NAV3: variants seen among roughly 807,000 people sequenced by gnomAD.
NAV3 encodes neuron navigator 3.
In NAV3, 87 loss-of-function variants were observed where a neutral mutation model predicts 244.7. The ratio of observed to expected loss-of-function variants is 0.36; its 90% CI spans 0.30 to 0.42. The LOEUF (loss-of-function observed/expected upper bound fraction) is 0.42, where lower values mean the gene tolerates loss of function less well. Ranked by LOEUF, NAV3 falls within the 20% of genes least tolerant of loss-of-function variation. NAV3 has a pLI of 1.00. For missense variants in NAV3, 2,663 were observed against 2,893.3 expected (o/e 0.92, Z 1.83); for synonymous variants, 1,126 against 1,042.2 (o/e 1.08, Z -1.55).
At chr12:77,768,241 GC>G (rs1268135173) in intron 2 of NAV3, among the ~76,000 whole-genome samples, 5 of 152,212 alleles carry the variant, frequency 3.3e-5, no homozygotes, top group African/African-American at 9.6e-5. Context: ...CTCACTCCAG[GC>G]CCTGGACTCC....
At chr12:77,675,926 C>A (rs1216032775) in intron 2 of NAV3, among the ~76,000 whole-genome samples, 2 of 152,062 alleles carry the variant, frequency 1.3e-5, no homozygotes, top group Non-Finnish European at 2.9e-5. Flanking sequence ...GTCAGTCTCC[C>A]CTCCGTGGTC....
chr12:78,200,134 G>T (rs1344492016), intron 37 of NAV3, among the ~76,000 whole-genome samples: 4 of 151,996 alleles, frequency 2.6e-5, no homozygotes, highest in Non-Finnish European at 5.9e-5. Context: ...CTCATGCCAG[G>T]TCCCAATTCT....
intron 1 of NAV3, among the ~76,000 whole-genome samples, chr12:77,936,797 C>A (rs1889369067): frequency 6.6e-6 from 1 of 152,106 alleles, no homozygotes; most frequent in Non-Finnish European, 1.5e-5. Flanking sequence ...TGTATTCTCT[C>A]TCATCACGGC....
chr12:77,986,492 GA>G lies in NAV3; in HGVS notation c.672-8310del, dbSNP rs1478157633. ...AGCTGAGATTTTTTGTAAGAAGCTT[GA>G]TAGAATCCAAAGAGCTAAAGTCGAT... On this transcript the variant is annotated intron_variant, in intron 5 of 39. Coordinates refer to ENST00000397909, the MANE Select transcript of NAV3 (RefSeq NM_001024383.2). Among the ~76,000 whole-genome samples the G allele has an allele frequency of 3.9e-5, 6 of 152,148 alleles. No homozygotes were observed. In the East Asian group the frequency reaches 1.2e-3, roughly 29 times the overall value.
chr12:78,037,650 G>A (rs189508742), intron 9 of NAV3, among the ~76,000 whole-genome samples: 1 of 152,092 alleles, frequency 6.6e-6, no homozygotes, highest in East Asian at 1.9e-4. Context: ...GCCTCACCTA[G>A]TGTCCAGTAC....
intron 2 of NAV3, among the ~76,000 whole-genome samples, chr12:77,714,370 A>G (rs1420478808): frequency 6.6e-6 from 1 of 152,090 alleles, no homozygotes; most frequent in Non-Finnish European, 1.5e-5. Context: ...TAGCTTGCTA[A>G]TTATGTGCGG....
chr12:78,140,840 C>A (rs753151434), intron 20 of NAV3, among the ~76,000 whole-genome samples: 10 of 150,432 alleles, frequency 6.6e-5, no homozygotes, highest in Non-Finnish European at 8.9e-5. Context: ...TTTAAATATA[C>A]CTTTTGAAAG....
chr12:78,198,995 A>C, intron 36 of NAV3: 2 of 474,900 alleles, frequency 4.2e-6, no homozygotes, highest in South Asian at 4.2e-5. Context: ...TGGTTAAAGT[A>C]GAGCATATTC....
chr12:78,013,104 A>G (rs1027929424), intron 8 of NAV3, among the ~76,000 whole-genome samples: 1 of 152,174 alleles, frequency 6.6e-6, no homozygotes, highest in East Asian at 1.9e-4. Flanking sequence ...GCTTTAAAAT[A>G]TTTAAAGAAT....
chr12:77,857,778 A>G (rs1171942244), intron 1 of NAV3, among the ~76,000 whole-genome samples: 1 of 152,042 alleles, frequency 6.6e-6, no homozygotes, highest in Non-Finnish European at 1.5e-5. Flanking sequence ...AACTAGGGAT[A>G]GTAAAAATAT....
At chr12:77,897,452 C>T (rs1172334127) in intron 1 of NAV3, among the ~76,000 whole-genome samples, 1 of 152,184 alleles carries the variant, frequency 6.6e-6, no homozygotes, top group African/African-American at 2.4e-5. Flanking sequence ...GCCCTTTCAC[C>T]TCATCTCTGC....
chr12:77,857,029 A>G (rs1243301904), intron 1 of NAV3, among the ~76,000 whole-genome samples: 1 of 152,150 alleles, frequency 6.6e-6, no homozygotes, highest in Admixed American at 6.5e-5. Context: ...CATCAAATGC[A>G]TTTATTTGGC....
intron 1 of NAV3, among the ~76,000 whole-genome samples, chr12:77,886,804 C>A (rs1386632238): frequency 6.6e-6 from 1 of 152,002 alleles, no homozygotes; most frequent in Non-Finnish European, 1.5e-5. Context: ...CTGAAATAAG[C>A]TATAATATTG....
chr12:77,919,653 C>T (rs1308537372), intron 1 of NAV3, among the ~76,000 whole-genome samples: 1 of 152,014 alleles, frequency 6.6e-6, no homozygotes, highest in African/African-American at 2.4e-5. Flanking sequence ...TGAAGGACAT[C>T]TTTATATCTT....
intron 12 of NAV3, among the ~76,000 whole-genome samples, chr12:78,073,189 C>A (rs1952867678): frequency 7.4e-6 from 1 of 134,504 alleles, no homozygotes; most frequent in African/African-American, 2.8e-5. Flanking sequence ...CTGGCCAGGG[C>A]AATTAGGCAG....
intron 2 of NAV3, among the ~76,000 whole-genome samples, chr12:77,810,961 C>A (rs1197259455): frequency 6.6e-6 from 1 of 152,120 alleles, no homozygotes; most frequent in South Asian, 2.1e-4. Context: ...GTAATCAGAT[C>A]CCCTGATGTG....
chr12:77,966,175 A>G, intron 3 of NAV3, 54 bp from the exon 4 acceptor site: 1 of 1,438,692 alleles, frequency 7.0e-7, no homozygotes, highest in South Asian at 1.2e-5. Flanking sequence ...TGGCACATGT[A>G]TTTGTTAAAA....
chr12:77,674,939 A>G lies in NAV3; in HGVS notation c.72+102673A>G, dbSNP rs141264514. ...GTACTAAGTGCCACAAGAGAGAACA[A>G]ATGTCATGTCTTTAACAGCAGGATC... On this transcript the variant is annotated intron_variant, in intron 2 of 8. Coordinates refer to the NAV3 transcript ENST00000550042. Among the ~76,000 whole-genome samples, 16 of 152,318 alleles carry G rather than the reference A, an allele frequency of 1.1e-4. No homozygotes were observed. In the East Asian group the frequency reaches 2.9e-3, roughly 28 times the overall value.
chr12:77,624,617 T>A (rs1391356188), intron 2 of NAV3, among the ~76,000 whole-genome samples: 1 of 151,972 alleles, frequency 6.6e-6, no homozygotes, highest in Admixed American at 6.6e-5. Flanking sequence ...CTGTTGAAGG[T>A]GGAGTTTACA....
Sources: gnomAD v4.1 joint callset for allele counts (sites outside exome capture counted in the v4.1 genomes callset) on GRCh38, gnomAD v4.1.1 for gene constraint, MANE v1.5 for transcripts, NCBI Gene and HGNC (gene_info 2026-07-23, HGNC 2026-07-21) for gene names.